Variants in NIPAL1 observed in about 807,000 individuals in gnomAD.
NIPAL1 encodes the protein NIPA like domain containing 1.
Under a neutral mutation model 37.7 loss-of-function variants are expected in NIPAL1, and 35 were observed. That is an observed-to-expected ratio of 0.93 (90% CI 0.71 to 1.23). NIPAL1 has a LOEUF of 1.23. Among genes scored for constraint, NIPAL1 ranks in the 50% most tolerant of loss-of-function variants. The pLI, the probability that NIPAL1 is intolerant of heterozygous loss-of-function variation, is 0.00. For missense variants in NIPAL1, 412 were observed against 473.9 expected (o/e 0.87, Z 1.21); for synonymous variants, 162 against 183.0 (o/e 0.89, Z 0.93).
intron 1 of NIPAL1, among the ~76,000 whole-genome samples, chr4:48,018,507 A>G (rs1278118018): frequency 6.6e-6 from 1 of 152,244 alleles, no homozygotes; most frequent in Non-Finnish European, 1.5e-5. Flanking sequence ...GGCATCAGAC[A>G]GTCTGAGCTG....
chr4:48,037,026 C>A lies in NIPAL1; in HGVS notation c.*854C>A. The A allele has an allele frequency of 6.3e-6, 1 of 159,456 alleles. No homozygotes were observed. Among genetic ancestry groups the A allele is most frequent in the Non-Finnish European group, 1.4e-5 (1 of 72,476 alleles). 9.9% of individuals were successfully genotyped at this position (159,456 alleles called of 1,614,324 possible). A position where few individuals can be genotyped will look rare whatever the true frequency, so the allele number is the denominator to read the frequency against. ...GTGCTTTGTTCTTCCTTCTGCACCT[C>A]CTTCTTAAACTAGATAGCTAATTAG... On this transcript the variant is annotated 3_prime_UTR_variant, in exon 6 of 6. Transcript: ENST00000295461.
rs1715995483 is a variant in NIPAL1 at position 48,038,155 on chromosome 4, G to A, written c.*1983G>A. 6.6e-6 allele frequency: 1 copy of A among 152,154 alleles called. No homozygotes were observed. Among genetic ancestry groups the A allele is most frequent in the Non-Finnish European group, 1.5e-5 (1 of 68,028 alleles). 9.4% of individuals were successfully genotyped at this position (152,154 alleles called of 1,614,324 possible). A position where few individuals can be genotyped will look rare whatever the true frequency, so the allele number is the denominator to read the frequency against. On this transcript the variant is annotated 3_prime_UTR_variant, in exon 6 of 6. Transcript: ENST00000295461. ...CCTGAGATGGCTGCAAGGCCCTAAT[G>A]TTCCATTATACATTATAGTCTTTTC...
intron 3 of NIPAL1, among the ~76,000 whole-genome samples, chr4:48,032,619 G>A (rs1715846332): frequency 6.6e-6 from 1 of 152,080 alleles, no homozygotes; most frequent in Non-Finnish European, 1.5e-5. Flanking sequence ...AACCTACAAA[G>A]CTGTAGGTAT....
intron 3 of NIPAL1, among the ~76,000 whole-genome samples, chr4:48,030,707 A>C (rs1560324510): frequency 6.6e-6 from 1 of 152,218 alleles, no homozygotes; most frequent in Non-Finnish European, 1.5e-5. Flanking sequence ...ACAGGATCTG[A>C]AAGCACTTTC....
intron 1 of NIPAL1, among the ~76,000 whole-genome samples, chr4:48,020,133 G>T (rs1715540133): frequency 6.6e-6 from 1 of 152,162 alleles, no homozygotes; most frequent in African/African-American, 2.4e-5. Context: ...CCAACAGGTA[G>T]TACACCATAC....
Position 48,037,381 on chromosome 4 carries a change from C to T in NIPAL1, c.*1209C>T. The T allele has an allele frequency of 6.5e-6, 2 of 308,296 alleles. No individual in the cohort carries two copies. Among genetic ancestry groups the T allele is most frequent in the Non-Finnish European group, 6.5e-6 (1 of 154,924 alleles). The allele number at this position is 308,296 out of a possible 1,614,324, so 19.1% of individuals were successfully genotyped here. A position where few individuals can be genotyped will look rare whatever the true frequency, so the allele number is the denominator to read the frequency against. ...GGAGTCACTTATGTTCATTTTTTTT[C>T]CTTTTCTTTTACTATTATCCTAAAG... On this transcript the variant is annotated 3_prime_UTR_variant, in exon 6 of 6. Transcript: ENST00000295461.
rs568301436 is a variant in NIPAL1 at position 48,027,166 on chromosome 4, T to C, written c.313+1832T>C. Among the ~76,000 whole-genome samples, 1 of 152,128 alleles carries C rather than the reference T, an allele frequency of 6.6e-6. No homozygotes were observed. Among genetic ancestry groups the C allele is most frequent in the African/African-American group, 2.4e-5 (1 of 41,506 alleles). ...CTGAAACTAAAAAGCAAATGATATATTGGGGGAAATATGATGAAATATGTG... is the reference window on the plus strand; with the variant it reads ...CTGAAACTAAAAAGCAAATGATATACTGGGGGAAATATGATGAAATATGTG... On this transcript the variant is annotated intron_variant, in intron 2 of 5. Coordinates refer to ENST00000295461, the MANE Select transcript of NIPAL1 (RefSeq NM_207330.3). This position sits in a 1 kb window ranked among gnomAD's most constrained non-coding sequence, Gnocchi z 4.1.
chr4:48,035,495 C>G (rs532815636), intron 5 of NIPAL1, 67 bp from the exon 6 acceptor site: 31 of 1,459,874 alleles, frequency 2.1e-5, no homozygotes, highest in Non-Finnish European at 2.8e-5. Flanking sequence ...TCATGACTAA[C>G]AAGATTTCAG....
In NIPAL1 at chr4:48,030,100, T is replaced by G. The variant is rs1248436391; in HGVS notation, c.314-20T>G. On this transcript the variant is annotated intron_variant, in intron 2 of 5. Coordinates refer to ENST00000295461, the MANE Select transcript of NIPAL1 (RefSeq NM_207330.3). Reference sequence around the variant, plus strand: ...AGTGTAGAACCCATTTTTTGTTAATTTTTACTTTTTGTATTTTAGGACAAG... The same window carrying G: ...AGTGTAGAACCCATTTTTTGTTAATGTTTACTTTTTGTATTTTAGGACAAG... 6.5e-7 allele frequency: 1 copy of G among 1,543,748 alleles called. No homozygotes were observed. Among genetic ancestry groups the G allele is most frequent in the Non-Finnish European group, 9.0e-7 (1 of 1,116,702 alleles).
At chr4:48,034,525 G>C (rs1299144192) in intron 4 of NIPAL1, among the ~76,000 whole-genome samples, 2 of 152,094 alleles carry the variant, frequency 1.3e-5, no homozygotes, top group African/African-American at 4.8e-5. Context: ...ACATCCATGG[G>C]CATACATATT....
intron 1 of NIPAL1, among the ~76,000 whole-genome samples, chr4:48,021,498 G>A (rs1715566780): frequency 6.6e-6 from 1 of 152,124 alleles, no homozygotes; most frequent in Non-Finnish European, 1.5e-5. Flanking sequence ...AAATTGTTCA[G>A]TTATCATCAA....
At chr4:48,030,071 C>G in intron 2 of NIPAL1, 49 bp from the exon 3 acceptor site, 1 of 1,100,750 alleles carries the variant, frequency 9.1e-7, no homozygotes, top group Non-Finnish European at 1.4e-6. Flanking sequence ...TCAAACCTTC[C>G]TCCAGTGTAG....
In NIPAL1 at chr4:48,037,242, T is replaced by G. The variant is rs1715973422; in HGVS notation, c.*1070T>G. On this transcript the variant is annotated 3_prime_UTR_variant, in exon 6 of 6. Transcript: ENST00000295461. ...ACTTCAGATAAAGGAAAAAGTTTTC[T>G]TCTCACAAAAACACAGACACGTGAT... 2.3e-6 allele frequency: 1 copy of G among 432,030 alleles called. No homozygotes were observed. Among genetic ancestry groups the G allele is most frequent in the Admixed American group, 2.9e-5 (1 of 34,848 alleles). The allele number at this position is 432,030 out of a possible 1,614,324, so 26.8% of individuals were successfully genotyped here. A position where few individuals can be genotyped will look rare whatever the true frequency, so the allele number is the denominator to read the frequency against.
chr4:48,026,892 A>AGAGACGGG (rs1280370743), intron 2 of NIPAL1, among the ~76,000 whole-genome samples: 1 of 151,782 alleles, frequency 6.6e-6, no homozygotes, highest in African/African-American at 2.4e-5. Flanking sequence ...CTAATTTTGT[A>AGAGACGGG]TTTTTAGTAG....
intron 1 of NIPAL1, among the ~76,000 whole-genome samples, chr4:48,022,667 A>C (rs2109366002): frequency 6.6e-6 from 1 of 152,346 alleles, no homozygotes; most frequent in Admixed American, 6.5e-5. Flanking sequence ...TTAGGAATGA[A>C]TGTAATCAAA....
intron 1 of NIPAL1, among the ~76,000 whole-genome samples, chr4:48,017,154 A>G (rs530447269): frequency 6.6e-6 from 1 of 152,332 alleles, no homozygotes; most frequent in African/African-American, 2.4e-5. Context: ...CGACCAGTGT[A>G]AATTACCGCG....
At chr4:48,026,748 T>G (rs1715701174) in intron 2 of NIPAL1, among the ~76,000 whole-genome samples, 1 of 151,882 alleles carries the variant, frequency 6.6e-6, no homozygotes, top group Admixed American at 6.6e-5. Flanking sequence ...AGACGGGGCT[T>G]TGCCCTGTCG....
chr4:48,024,843 C>T (rs980302853), intron 1 of NIPAL1, among the ~76,000 whole-genome samples: 4 of 152,150 alleles, frequency 2.6e-5, no homozygotes, highest in African/African-American at 9.7e-5. Flanking sequence ...TGAAATAGCT[C>T]ATTTTTAAAT....
chr4:48,021,958 CAAA>C (rs1577622228), intron 1 of NIPAL1, among the ~76,000 whole-genome samples: 1 of 151,664 alleles, frequency 6.6e-6, no homozygotes, highest in Admixed American at 6.6e-5. Context: ...AAAATAACAT[CAAA>C]GAAGAAGTAC....
Sources: allele counts gnomAD v4.1 joint callset (sites outside exome capture counted in the v4.1 genomes callset), GRCh38; gene constraint gnomAD v4.1.1; non-coding constraint Gnocchi (gnomAD v3.1); transcripts MANE v1.5; gene names NCBI Gene and HGNC (gene_info 2026-07-23, HGNC 2026-07-21).